Variants in BZW1 observed in about 807,000 individuals in gnomAD.
The protein encoded by BZW1 is basic leucine zipper and W2 domains 1, also known as eIF5-mimic protein 2.
Under a neutral mutation model 54.1 loss-of-function variants are expected in BZW1, and 3 were observed. That is an observed-to-expected ratio of 0.06 (90% CI 0.03 to 0.14). BZW1 has a LOEUF of 0.14. Among genes scored for constraint, BZW1 ranks in the 10% least tolerant of loss-of-function variants. The probability of loss-of-function intolerance (pLI) is 1.00; values close to 1 mark genes in which losing one functional copy is unlikely to be tolerated. For missense variants in BZW1, 206 were observed against 491.7 expected (o/e 0.42, Z 5.50); for synonymous variants, 152 against 162.7 (o/e 0.93, Z 0.50).
chr2:200,819,129 C>T (rs371042114), intron 9 of BZW1: 39 of 495,834 alleles, frequency 7.9e-5, no homozygotes, highest in African/African-American at 5.5e-4. Context: ...CAATGGCTCA[C>T]GCCTGTAAAC....
At chr2:200,817,298 T>C in intron 6 of BZW1, 57 bp downstream of exon 6, 1 of 1,577,038 alleles carries the variant, frequency 6.3e-7, no homozygotes. Context: ...GATAAGAGCA[T>C]GGTTTACTGT....
intron 9 of BZW1, 62 bp downstream of exon 9, chr2:200,818,963 G>GTGA (rs2038400280): frequency 6.7e-7 from 1 of 1,488,624 alleles, no homozygotes; most frequent in South Asian, 1.4e-5. Context: ...TAAGTGAACT[G>GTGA]TGACTATATT....
intron 1 of BZW1, chr2:200,812,840 G>T: frequency 1.5e-6 from 1 of 665,304 alleles, no homozygotes; most frequent in Non-Finnish European, 2.8e-6. Context: ...TGACTATGGT[G>T]ATAATCTCTC....
At chr2:200,816,605 C>CCT (rs2105868498) in intron 5 of BZW1, among the ~76,000 whole-genome samples, 1 of 152,232 alleles carries the variant, frequency 6.6e-6, no homozygotes, top group South Asian at 2.1e-4. Context: ...GATTCTCGTG[C>CCT]CTCAGCCTCC....
chr2:200,818,028 A>T lies in BZW1; in HGVS notation c.593A>T (p.Asp198Val). ...KLFKSWINEK[D>V]INAVAASLRK... The stretch of plus-strand genomic sequence containing the variant: ...TTTAAATCATGGATAAATGAAAAAG[A>T]TATCAATGCAGTAGCTGCAAGTCTT... Residue 198 changes from aspartate to valine, a missense_variant, in exon 7 of 12, where the codon GAT becomes GTT. Asp to Val is a radical substitution (Grantham distance 152). Around this residue, in one of 5 missense-constraint regions of BZW1, gnomAD observed 81 missense variants for 257.1 expected, o/e 0.32. Transcript: ENST00000409600. 1 of 1,554,962 alleles carries T rather than the reference A, an allele frequency of 6.4e-7. No individual in the cohort carries two copies. Among genetic ancestry groups the T allele is most frequent in the Non-Finnish European group, 8.7e-7 (1 of 1,147,732 alleles).
intron 6 of BZW1, 55 bp from the exon 7 acceptor site, chr2:200,817,919 C>A: frequency 8.2e-7 from 1 of 1,221,562 alleles, no homozygotes; most frequent in Non-Finnish European, 1.2e-6. Flanking sequence ...TAGGGGGACA[C>A]AGTGATTGAA....
At chr2:200,821,132 G>A (rs960156864) in intron 10 of BZW1, 51 bp from the exon 11 acceptor site, 15 of 1,591,608 alleles carry the variant, frequency 9.4e-6, no homozygotes, top group African/African-American at 1.3e-5. Flanking sequence ...TGGTTCTAAC[G>A]CTGAGTAGAG....
At chr2:200,818,969 A>G (rs938166975) in intron 9 of BZW1, 68 bp downstream of exon 9, 10 of 1,483,990 alleles carry the variant, frequency 6.7e-6, no homozygotes, top group African/African-American at 5.8e-5. Context: ...AACTGTGACT[A>G]TATTTTTCTA....
intron 9 of BZW1, 44 bp downstream of exon 9, chr2:200,818,945 C>T (rs200612121): frequency 6.9e-5 from 104 of 1,509,894 alleles, no homozygotes; most frequent in Non-Finnish European, 8.8e-5. Flanking sequence ...TCTGCTTTCA[C>T]GTGGTGATAA....
Position 200,824,001 on chromosome 2 carries a change from C to CATTA in BZW1, c.*1826_*1829dup, listed in dbSNP as rs1193697146. 1.3e-5 allele frequency: 2 copies of CATTA among 152,142 alleles called. No homozygotes were observed. The highest frequency in any genetic ancestry group is 2.4e-5 in the African/African-American group (1 of 41,418). The allele number at this position is 152,142 out of a possible 1,614,324, so 9.4% of individuals were successfully genotyped here. A position where few individuals can be genotyped will look rare whatever the true frequency, so the allele number is the denominator to read the frequency against. On this transcript the variant is annotated 3_prime_UTR_variant, in exon 12 of 12. Coordinates refer to ENST00000409600, the MANE Select transcript of BZW1 (RefSeq NM_001207067.2). ...CAGAATTCTGGTGTAGCTAAAACTA[C>CATTA]ATTAATATTTCTACAACCAATTCAT...
rs2038081789 is a variant in BZW1 at position 200,811,983 on chromosome 2, T to C, written c.-18T>C. ...ATTTCTGGCTCTTTCCTCTTCGCCT[T>C]AAATTCGGTGAGACGCGGCGCCCCG... is the stretch of plus-strand genomic sequence containing the variant. On this transcript the variant is annotated 5_prime_UTR_variant, in exon 1 of 12. Transcript: ENST00000409600. The C allele has an allele frequency of 2.9e-6, 1 of 348,586 alleles. No homozygotes were observed. The highest frequency in any genetic ancestry group is 5.1e-6 in the Non-Finnish European group (1 of 194,668). 21.6% of individuals were successfully genotyped at this position (348,586 alleles called of 1,614,324 possible).
intron 2 of BZW1, among the ~76,000 whole-genome samples, chr2:200,814,715 G>A (rs1169783729): frequency 2.6e-5 from 4 of 152,140 alleles, no homozygotes; most frequent in Admixed American, 2.6e-4. Context: ...GTCAGGATTT[G>A]AATCAGGCAG....
chr2:200,826,407 A>AGATAGATAGATAGATAGATATT lies in BZW1; in HGVS notation c.*4229_*4230insGATAGATAGATAGATAGATATT, dbSNP rs1559318394. ...TAGATAGATAGATAGATAGATAGATATTTTTTTTTTTTTTTTTTTTTTTTT... is the reference window on the plus strand; with the variant it reads ...TAGATAGATAGATAGATAGATAGATAGATAGATAGATAGATAGATATTTTTTTTTTTTTTTTTTTTTTTTTTT... On this transcript the variant is annotated 3_prime_UTR_variant, in exon 12 of 12. Coordinates refer to ENST00000409600, the MANE Select transcript of BZW1 (RefSeq NM_001207067.2). 1.5e-4 allele frequency: 8 copies of AGATAGATAGATAGATAGATATT among 54,944 alleles called. No individual in the cohort carries two copies. Among genetic ancestry groups the AGATAGATAGATAGATAGATATT allele is most frequent in the Non-Finnish European group, 2.0e-4 (6 of 30,418 alleles). 3.4% of individuals were successfully genotyped at this position (54,944 alleles called of 1,614,324 possible).
At chr2:200,817,896 G>A in intron 6 of BZW1, 78 bp from the exon 7 acceptor site, 2 of 994,130 alleles carry the variant, frequency 2.0e-6, no homozygotes, top group Non-Finnish European at 3.0e-6. Flanking sequence ...ATTGAACTAT[G>A]AAGGGAAGGA....
At position 200,824,535 on chromosome 2, in the gene BZW1, C is replaced by T. The variant is rs1349620975; in HGVS notation, c.*2357C>T. The T allele has an allele frequency of 6.6e-6, 1 of 151,560 alleles. No homozygotes were observed. The highest frequency in any genetic ancestry group is 2.4e-5 in the African/African-American group (1 of 41,286). The allele number at this position is 151,560 out of a possible 1,614,324, so 9.4% of individuals were successfully genotyped here. A position where few individuals can be genotyped will look rare whatever the true frequency, so the allele number is the denominator to read the frequency against. ...CATTCTTATTTAAAAAAAAAAACCT[C>T]CATATACCAAAAATGCTACAGGATA... On this transcript the variant is annotated 3_prime_UTR_variant, in exon 12 of 12. Coordinates refer to ENST00000409600, the MANE Select transcript of BZW1 (RefSeq NM_001207067.2).
chr2:200,819,857 A>G (rs1474230897), intron 9 of BZW1, 125 bp from the exon 10 acceptor site: 6 of 932,670 alleles, frequency 6.4e-6, no homozygotes, highest in Non-Finnish European at 5.8e-6. Flanking sequence ...TTTCTGGTAA[A>G]TAAGTTATAG....
chr2:200,820,884 T>C (rs2038484132), intron 10 of BZW1, among the ~76,000 whole-genome samples: 1 of 152,188 alleles, frequency 6.6e-6, no homozygotes, highest in Non-Finnish European at 1.5e-5. Flanking sequence ...TGTTCCCTTT[T>C]CTCCTGATCC....
chr2:200,817,001 C>A, intron 5 of BZW1, 105 bp from the exon 6 acceptor site: 1 of 1,353,136 alleles, frequency 7.4e-7, no homozygotes, highest in Non-Finnish European at 1.0e-6. Context: ...ATGGTTAGAT[C>A]CCAGAGCCCA....
Position 200,822,241 on chromosome 2 carries a change from T to A in BZW1, c.*63T>A. 3 of 1,420,012 alleles carry A rather than the reference T, an allele frequency of 2.1e-6. No individual in the cohort carries two copies. The highest frequency in any genetic ancestry group is 2.9e-6 in the Non-Finnish European group (3 of 1,023,770). The allele number at this position is 1,420,012 out of a possible 1,614,324, so 88.0% of individuals were successfully genotyped here. On this transcript the variant is annotated 3_prime_UTR_variant, in exon 12 of 12. Coordinates refer to ENST00000409600, the MANE Select transcript of BZW1 (RefSeq NM_001207067.2). Reference sequence around the variant, plus strand: ...TGTAGATAAAATGTCATGTCTCATGTGTCCTGGTTCTTACATCTTCCTACC... The same window carrying A: ...TGTAGATAAAATGTCATGTCTCATGAGTCCTGGTTCTTACATCTTCCTACC...
Sources: gnomAD v4.1 joint callset for allele counts (sites outside exome capture counted in the v4.1 genomes callset) on GRCh38, gnomAD v4.1.1 for gene constraint, gnomAD v4.1.1 regional missense constraint, MANE v1.5 for transcripts, NCBI Gene and HGNC (gene_info 2026-07-23, HGNC 2026-07-21) for gene names.